Variants in DSCAM observed in about 807,000 individuals in gnomAD.
DSCAM encodes the protein cell adhesion molecule DSCAM.
A neutral mutation model predicts 217.7 loss-of-function variants in DSCAM; 47 were observed. The ratio of observed to expected loss-of-function variants is 0.22; its 90% CI spans 0.17 to 0.28. The LOEUF (loss-of-function observed/expected upper bound fraction) is 0.28. Among genes scored for constraint, DSCAM ranks in the 10% least tolerant of loss-of-function variants. The probability of loss-of-function intolerance (pLI) is 1.00; values close to 1 mark genes in which losing one functional copy is unlikely to be tolerated. For synonymous variants in DSCAM, 1,056 were observed against 1,015.3 expected, an observed-to-expected ratio of 1.04 and a Z score of -0.76; for missense variants, 2,080 against 2,618.3, an observed-to-expected ratio of 0.79 and a Z score of 4.49.
At chr21:40,032,096 T>C (rs1050681799) in intron 32 of DSCAM, among the ~76,000 whole-genome samples, 1 of 152,124 alleles carries the variant, frequency 6.6e-6, no homozygotes, top group Non-Finnish European at 1.5e-5. Context: ...AGATGCACAT[T>C]GTTGTAGAAA....
At chr21:40,574,049 C>G (rs900206963) in intron 3 of DSCAM, among the ~76,000 whole-genome samples, 1 of 151,744 alleles carries the variant, frequency 6.6e-6, no homozygotes, top group Non-Finnish European at 1.5e-5. Flanking sequence ...ATGTCAATAT[C>G]TAAGGAAGGC....
intron 8 of DSCAM, among the ~76,000 whole-genome samples, chr21:40,320,947 T>TAA (rs2074252621): frequency 6.6e-6 from 1 of 152,182 alleles, no homozygotes; most frequent in African/African-American, 2.4e-5. Context: ...AAAAGATAGA[T>TAA]AAGTACCCTA....
intron 1 of DSCAM, among the ~76,000 whole-genome samples, chr21:40,774,070 A>T (rs2091468328): frequency 6.6e-6 from 1 of 152,234 alleles, no homozygotes; most frequent in African/African-American, 2.4e-5. Context: ...GATGCTGTCC[A>T]ACAACCAGAA....
At chr21:40,557,770 G>A (rs567218085) in intron 3 of DSCAM, among the ~76,000 whole-genome samples, 1 of 152,074 alleles carries the variant, frequency 6.6e-6, no homozygotes, top group African/African-American at 2.4e-5. Flanking sequence ...AGAATTGTGA[G>A]CCAAGCAAAC....
intron 11 of DSCAM, among the ~76,000 whole-genome samples, chr21:40,198,103 CA>C (rs1318419337): frequency 1.3e-5 from 2 of 152,102 alleles, no homozygotes; most frequent in African/African-American, 4.8e-5. Context: ...AGGCAAGACC[CA>C]AACATCTCCC....
At chr21:40,175,876 T>G (rs2090724095) in intron 15 of DSCAM, among the ~76,000 whole-genome samples, 1 of 151,016 alleles carries the variant, frequency 6.6e-6, no homozygotes, top group African/African-American at 2.4e-5. Context: ...GGCAATACTG[T>G]GGGTAATGTT....
chr21:40,689,869 T>C (rs2090520502), intron 3 of DSCAM, among the ~76,000 whole-genome samples: 1 of 152,222 alleles, frequency 6.6e-6, no homozygotes, highest in Non-Finnish European at 1.5e-5. Context: ...AGGTCAGGGC[T>C]AATTTAGAAA....
chr21:40,563,664 TTA>T (rs201035348), intron 3 of DSCAM, among the ~76,000 whole-genome samples: 46,905 of 139,060 alleles, frequency 0.34, 9,048 homozygotes, highest in African/African-American at 0.52. Context: ...TTATGTTTGT[TTA>T]TATATATGTT....
chr21:40,470,086 T>C (rs1405375507), intron 3 of DSCAM, among the ~76,000 whole-genome samples: 1 of 152,254 alleles, frequency 6.6e-6, no homozygotes, highest in African/African-American at 2.4e-5. Flanking sequence ...GTATAGCACA[T>C]CAATTTTTAA....
chr21:40,228,348 T>A (rs1388097180), intron 11 of DSCAM, among the ~76,000 whole-genome samples: 2 of 152,180 alleles, frequency 1.3e-5, no homozygotes, highest in African/African-American at 4.8e-5. Flanking sequence ...TATATCTACA[T>A]AAATTACTTG....
chr21:40,747,001 A>G (rs553604849), intron 1 of DSCAM, among the ~76,000 whole-genome samples: 1 of 152,026 alleles, frequency 6.6e-6, no homozygotes, highest in East Asian at 1.9e-4. Flanking sequence ...TAAAATTTAA[A>G]AATTTCTCGA....
At position 40,197,273 on chromosome 21, in the gene DSCAM, C is replaced by T. The variant is rs546854125; in HGVS notation, c.2357-8035G>A. ...AGCTGGGACTACAGGCGCCCACAACCACGCCCAGCTAATTTTTTGTATTTT... is the reference window on the plus strand; with the variant it reads ...AGCTGGGACTACAGGCGCCCACAACTACGCCCAGCTAATTTTTTGTATTTT... On this transcript the variant is annotated intron_variant, in intron 11 of 32. Coordinates refer to ENST00000400454, the MANE Select transcript of DSCAM (RefSeq NM_001389.5). 2.7e-4 allele frequency among the ~76,000 whole-genome samples: 41 copies of T among 152,240 alleles called. No individual in the cohort carries two copies. The South Asian group carries it at 8.3e-3, about 31-fold the overall frequency.
intron 1 of DSCAM, among the ~76,000 whole-genome samples, chr21:40,739,789 T>A (rs886361858): frequency 1.3e-5 from 2 of 152,014 alleles, no homozygotes; most frequent in African/African-American, 4.8e-5. Context: ...TAGTTTTTTT[T>A]TTTTTTTCCC....
At chr21:40,843,914 C>A (rs1037771283) in intron 1 of DSCAM, among the ~76,000 whole-genome samples, 1 of 149,694 alleles carries the variant, frequency 6.7e-6, no homozygotes, top group Admixed American at 6.7e-5. Flanking sequence ...TGTTAAAATG[C>A]AGATGTATTG....
At chr21:40,526,622 G>T (rs2076402885) in intron 3 of DSCAM, among the ~76,000 whole-genome samples, 1 of 152,094 alleles carries the variant, frequency 6.6e-6, no homozygotes, top group South Asian at 2.1e-4. Flanking sequence ...GGTAACTTCG[G>T]GCTGGCCAGG....
At chr21:40,076,483 G>A (rs1413378748) in intron 26 of DSCAM, among the ~76,000 whole-genome samples, 2 of 152,206 alleles carry the variant, frequency 1.3e-5, no homozygotes, top group African/African-American at 2.4e-5. Context: ...CCATTCATGA[G>A]ACTGGTCCAA....
At chr21:40,816,448 A>G (rs111492124) in intron 1 of DSCAM, among the ~76,000 whole-genome samples, 1,839 of 152,250 alleles carry the variant, frequency 0.012, 28 homozygotes, top group African/African-American at 0.042. Context: ...GTGTGGTGGC[A>G]TGCACCTGTA....
chr21:40,670,868 A>T (rs1466798645), intron 3 of DSCAM, among the ~76,000 whole-genome samples: 2 of 152,244 alleles, frequency 1.3e-5, no homozygotes, highest in African/African-American at 2.4e-5. Flanking sequence ...TAGGTGACTT[A>T]GCATTCCTAA....
chr21:40,716,897 C>T (rs966249249), intron 1 of DSCAM, among the ~76,000 whole-genome samples: 4 of 152,146 alleles, frequency 2.6e-5, no homozygotes, highest in South Asian at 2.1e-4. Context: ...TTCTATTTAC[C>T]GAAGGTTGTG....
Sources: gnomAD v4.1 joint callset for allele counts (sites outside exome capture counted in the v4.1 genomes callset) on GRCh38, gnomAD v4.1.1 for gene constraint, MANE v1.5 for transcripts, NCBI Gene and HGNC (gene_info 2026-07-23, HGNC 2026-07-21) for gene names.